The following CDK5RAP2 variants were observed in gnomAD, a reference collection of about 807,000 sequenced individuals.
The protein encoded by CDK5RAP2 is CDK5 regulatory subunit associated protein 2.
CDK5RAP2 carries 147 observed loss-of-function variants against 232.9 expected under a neutral mutation model. The observed-to-expected ratio is 0.63, with a 90% confidence interval of 0.55 to 0.72. CDK5RAP2 has a LOEUF of 0.72. Ranked by LOEUF, CDK5RAP2 falls within the 30% of genes least tolerant of loss-of-function variation. The pLI is 0.00. For synonymous variants in CDK5RAP2, 833 were observed against 833.7 expected, an observed-to-expected ratio of 1.00 and a Z score of 0.01; for missense variants, 2,195 against 2,231.5, an observed-to-expected ratio of 0.98 and a Z score of 0.33.
intron 24 of CDK5RAP2, 52 bp from the exon 25 acceptor site, chr9:120,437,579 T>G (rs1178752680): frequency 7.4e-7 from 1 of 1,355,458 alleles, no homozygotes; most frequent in South Asian, 1.2e-5. Context: ...ATTGAATTTT[T>G]GTGACCTTAA....
In CDK5RAP2 at chr9:120,467,914, C is replaced by T; in HGVS notation, c.2052G>A (p.Met684Ile). ...CTGGAAACCCATTTCCCTGGAAACC[C>T]ATGCAGGAGAGATCAAAAATGGTTT... ...LKKTIFDLSC[M>I]GFQGNGFPDR... The change falls in exon 18 of 38, where the codon ATG (methionine) becomes ATA (isoleucine). Residue 684 changes from methionine to isoleucine, a missense_variant. By Grantham distance (10) the Met-to-Ile change is conservative. Coordinates refer to ENST00000349780, the MANE Select transcript of CDK5RAP2 (RefSeq NM_018249.6). The T allele has an allele frequency of 6.2e-7, 1 of 1,614,172 alleles. No individual in the cohort carries two copies. The highest frequency in any genetic ancestry group is 8.5e-7 in the Non-Finnish European group (1 of 1,180,012).
chr9:120,486,159 T>A (rs900264133), intron 14 of CDK5RAP2, among the ~76,000 whole-genome samples: 15 of 152,196 alleles, frequency 9.9e-5, no homozygotes, highest in Admixed American at 3.3e-4. Flanking sequence ...CCCCATGAGG[T>A]CCCTAGTAGT....
intron 12 of CDK5RAP2, among the ~76,000 whole-genome samples, chr9:120,502,804 C>T (rs1001226896): frequency 2.6e-5 from 4 of 152,124 alleles, no homozygotes; most frequent in African/African-American, 9.7e-5. Flanking sequence ...ATCAACAGAA[C>T]CTTGGGGAAA....
chr9:120,551,868 C>A (rs1194963952), intron 3 of CDK5RAP2, among the ~76,000 whole-genome samples: 1 of 152,030 alleles, frequency 6.6e-6, no homozygotes, highest in African/African-American at 2.4e-5. Context: ...CTTAAGAGTG[C>A]TGTGTGCAAA....
chr9:120,395,091 T>C (rs899957295), intron 35 of CDK5RAP2, among the ~76,000 whole-genome samples: 4 of 152,206 alleles, frequency 2.6e-5, no homozygotes, highest in Non-Finnish European at 5.9e-5. Flanking sequence ...AATACAATAA[T>C]TTAGCAACTA....
At position 120,443,843 on chromosome 9, in the gene CDK5RAP2, A is replaced by C. The variant is rs2036038375; in HGVS notation, c.3026-101T>G. 5 of 1,519,052 alleles carry C rather than the reference A, an allele frequency of 3.3e-6. No individual in the cohort carries two copies. The Admixed American group carries it at 8.9e-5, about 27-fold the overall frequency. The allele number at this position is 1,519,052 out of a possible 1,614,324, so 94.1% of individuals were successfully genotyped here. On this transcript the variant is annotated intron_variant, in intron 22 of 37. Transcript: ENST00000349780. ...ACACAAAGATACAACAGGGAAAATA[A>C]AAACACTGGGGAGGCAAAATGCAAT...
Position 120,409,154 on chromosome 9 carries a change from A to T in CDK5RAP2, c.4577T>A (p.Val1526Asp). 1 of 1,612,520 alleles carries T rather than the reference A, an allele frequency of 6.2e-7. No individual in the cohort carries two copies. Among genetic ancestry groups the T allele is most frequent in the Admixed American group, 1.7e-5 (1 of 60,018 alleles). The stretch of plus-strand genomic sequence containing the variant: ...GCTCAGCTCCTGGCCGCTGCAGCGG[A>T]CCTCCTGGATCAGCTGCTGGTTGTG... ...ERHNQQLIQE[V>D]RCSGQELSRV... Residue 1526 changes from valine to aspartate, a missense_variant, in exon 30 of 38, where the codon GTC becomes GAC. Coordinates refer to ENST00000349780, the MANE Select transcript of CDK5RAP2 (RefSeq NM_018249.6).
rs199893914 is a variant in CDK5RAP2 at position 120,478,780 on chromosome 9, T to TAACA, written c.1627-1334_1627-1331dup. On this transcript the variant is annotated intron_variant, in intron 14 of 37. Transcript: ENST00000349780. ...TGGGCAACAGAGCAAGACCCTGAAA[T>TAACA]AACAAACAAACAAACAAAAAATACT... is the stretch of plus-strand genomic sequence containing the variant. Among the ~76,000 whole-genome samples the TAACA allele has an allele frequency of 1.5e-3, 224 of 152,020 alleles. 2 individuals carry two copies. Among genetic ancestry groups the TAACA allele is most frequent in the South Asian group, 7.3e-3 (35 of 4,816 alleles).
intron 11 of CDK5RAP2, among the ~76,000 whole-genome samples, chr9:120,522,025 A>G (rs1588559079): frequency 6.6e-6 from 1 of 152,176 alleles, no homozygotes; most frequent in Non-Finnish European, 1.5e-5. Flanking sequence ...AGTTAACAAG[A>G]GCAGAGTCAA....
At chr9:120,399,853 G>A (rs1178128893) in intron 35 of CDK5RAP2, among the ~76,000 whole-genome samples, 5 of 152,190 alleles carry the variant, frequency 3.3e-5, no homozygotes, top group African/African-American at 1.2e-4. Context: ...GATCCCAAAA[G>A]TGAAATCTTA....
intron 35 of CDK5RAP2, among the ~76,000 whole-genome samples, chr9:120,399,767 G>A (rs954733977): frequency 2.6e-5 from 4 of 152,048 alleles, no homozygotes; most frequent in African/African-American, 9.7e-5. Context: ...CTAAACGTGG[G>A]CCAAAAAAAG....
chr9:120,392,194 G>A (rs184533339), intron 36 of CDK5RAP2, among the ~76,000 whole-genome samples: 66 of 152,186 alleles, frequency 4.3e-4, no homozygotes, highest in East Asian at 2.7e-3. Flanking sequence ...TTTAGGTAGC[G>A]TTATCATCCT....
intron 5 of CDK5RAP2, among the ~76,000 whole-genome samples, chr9:120,542,758 C>T (rs1280444504): frequency 6.6e-6 from 1 of 152,156 alleles, no homozygotes; most frequent in Non-Finnish European, 1.5e-5. Flanking sequence ...TTCCTCAAGA[C>T]TTTCCCAGCT....
At chr9:120,481,008 G>A (rs936978219) in intron 14 of CDK5RAP2, among the ~76,000 whole-genome samples, 7 of 152,238 alleles carry the variant, frequency 4.6e-5, no homozygotes, top group African/African-American at 1.4e-4. Context: ...GGACCTCAGA[G>A]AAGAGTGGGG....
chr9:120,494,084 T>A, intron 12 of CDK5RAP2, among the ~76,000 whole-genome samples: 1 of 131,288 alleles, frequency 7.6e-6, no homozygotes. Context: ...ACAGCAAGAC[T>A]CAGTTTAAAA....
At chr9:120,396,345 A>C (rs1299187710) in intron 35 of CDK5RAP2, among the ~76,000 whole-genome samples, 1 of 152,250 alleles carries the variant, frequency 6.6e-6, no homozygotes. Context: ...TCTACAGTCA[A>C]CGCCTTAGTC....
chr9:120,560,215 C>T (rs2042412842), intron 3 of CDK5RAP2, among the ~76,000 whole-genome samples: 1 of 152,200 alleles, frequency 6.6e-6, no homozygotes, highest in Non-Finnish European at 1.5e-5. Context: ...ACATCTTTGT[C>T]CAGTGTTGGC....
intron 36 of CDK5RAP2, among the ~76,000 whole-genome samples, chr9:120,393,477 C>T (rs934275594): frequency 6.6e-6 from 1 of 152,202 alleles, no homozygotes; most frequent in South Asian, 2.1e-4. Context: ...TCAGAAATGC[C>T]CCAGAAATGT....
At chr9:120,411,562 G>C in intron 28 of CDK5RAP2, 88 bp from the exon 29 acceptor site, 1 of 760,584 alleles carries the variant, frequency 1.3e-6, no homozygotes, top group Non-Finnish European at 2.4e-6. Context: ...TAAACAAAGA[G>C]TTAACACAAC....
Sources: allele counts gnomAD v4.1 joint callset (sites outside exome capture counted in the v4.1 genomes callset), GRCh38; gene constraint gnomAD v4.1.1; transcripts MANE v1.5; gene names NCBI Gene and HGNC (gene_info 2026-07-23, HGNC 2026-07-21).